The following GPR158 variants were observed in gnomAD, a reference collection of about 807,000 sequenced individuals.
GPR158 encodes the protein metabotropic glycine receptor.
GPR158 carries 30 observed loss-of-function variants against 78.2 expected under a neutral mutation model. The ratio of observed to expected loss-of-function variants is 0.38; its 90% CI spans 0.29 to 0.52. The LOEUF (loss-of-function observed/expected upper bound fraction) is 0.52, where lower values mean the gene tolerates loss of function less well. Among genes scored for constraint, GPR158 ranks in the 20% least tolerant of loss-of-function variants. The pLI is 0.83. For missense variants in GPR158, 1,463 were observed against 1,523.5 expected (o/e 0.96, Z 0.66); for synonymous variants, 581 against 591.1 (o/e 0.98, Z 0.25).
chr10:25,574,956 A>G (rs1400382025), intron 7 of GPR158, among the ~76,000 whole-genome samples: 1 of 151,598 alleles, frequency 6.6e-6, no homozygotes, highest in Non-Finnish European at 1.5e-5. Context: ...AATTCCAGCT[A>G]CTCTAGAGGC....
At chr10:25,237,965 G>A (rs184157978) in intron 2 of GPR158, among the ~76,000 whole-genome samples, 31 of 148,760 alleles carry the variant, frequency 2.1e-4, no homozygotes, top group African/African-American at 5.8e-4. Flanking sequence ...TTCTTTGCCC[G>A]TCCTTCACTT....
chr10:25,596,587 A>ACC, intron 9 of GPR158, 56 bp from the exon 10 acceptor site: 1 of 1,294,550 alleles, frequency 7.7e-7, no homozygotes, highest in Non-Finnish European at 1.1e-6. Context: ...AGATATAGAT[A>ACC]TATGCAATGC....
intron 6 of GPR158, among the ~76,000 whole-genome samples, chr10:25,565,910 G>T (rs1023447705): frequency 2.6e-5 from 4 of 152,090 alleles, no homozygotes; most frequent in Non-Finnish European, 5.9e-5. Flanking sequence ...GTCTCGAATG[G>T]GTAGCCAGAG....
intron 5 of GPR158, among the ~76,000 whole-genome samples, chr10:25,524,175 T>G (rs1836320517): frequency 1.3e-5 from 2 of 152,210 alleles, no homozygotes. Context: ...ACTACATAAA[T>G]GGAACTCATG....
At position 25,545,488 on chromosome 10, in the gene GPR158, G is replaced by A. The variant is rs768018395; in HGVS notation, c.1405-5488G>A. On this transcript the variant is annotated intron_variant, in intron 5 of 10. Transcript: ENST00000376351. Reference sequence around the variant, plus strand: ...ATGAGCGTTGTTTCATGTGTTTGTTGGCCACATAAATGTTTTCTTTGGAAA... The same window carrying A: ...ATGAGCGTTGTTTCATGTGTTTGTTAGCCACATAAATGTTTTCTTTGGAAA... Among the ~76,000 whole-genome samples, 36 of 152,070 alleles carry A rather than the reference G, an allele frequency of 2.4e-4. 1 individual carries two copies. The highest frequency in any genetic ancestry group is 4.7e-4 in the Non-Finnish European group (32 of 68,004).
At chr10:25,240,587 A>G (rs944413042) in intron 2 of GPR158, among the ~76,000 whole-genome samples, 1 of 152,176 alleles carries the variant, frequency 6.6e-6, no homozygotes, top group Non-Finnish European at 1.5e-5. Flanking sequence ...AATGATAAGG[A>G]AAGGTGAGCT....
intron 6 of GPR158, among the ~76,000 whole-genome samples, chr10:25,569,986 A>G (rs1415760113): frequency 2.0e-5 from 3 of 152,178 alleles, no homozygotes; most frequent in Non-Finnish European, 2.9e-5. Context: ...AGAATTTGGA[A>G]CCATTTTATG....
chr10:25,584,748 T>A (rs1837245278), intron 7 of GPR158, among the ~76,000 whole-genome samples: 1 of 152,240 alleles, frequency 6.6e-6, no homozygotes, highest in Non-Finnish European at 1.5e-5. Flanking sequence ...TTAACACAGT[T>A]AATGATGCCA....
At chr10:25,308,447 G>A (rs556022487) in intron 2 of GPR158, among the ~76,000 whole-genome samples, 5 of 152,122 alleles carry the variant, frequency 3.3e-5, no homozygotes, top group East Asian at 3.9e-4. Flanking sequence ...GTCTTTTTAT[G>A]TGGTTATGAG....
intron 2 of GPR158, among the ~76,000 whole-genome samples, chr10:25,392,931 A>AAC (rs1461848308): frequency 6.6e-6 from 1 of 152,226 alleles, no homozygotes; most frequent in Middle Eastern, 3.2e-3. Context: ...GAGTCAGTAC[A>AAC]GCAGGATGAT....
intron 2 of GPR158, among the ~76,000 whole-genome samples, chr10:25,281,935 A>G (rs1854280749): frequency 6.6e-6 from 1 of 152,220 alleles, no homozygotes. Flanking sequence ...CAATAGAAAG[A>G]ATGATTTGAA....
intron 2 of GPR158, among the ~76,000 whole-genome samples, chr10:25,296,111 C>G (rs894747254): frequency 2.6e-5 from 4 of 151,616 alleles, no homozygotes; most frequent in Non-Finnish European, 5.9e-5. Flanking sequence ...GTGCTTCAGC[C>G]TGGTTGCAGG....
At chr10:25,308,197 T>C (rs907231689) in intron 2 of GPR158, among the ~76,000 whole-genome samples, 3 of 152,210 alleles carry the variant, frequency 2.0e-5, no homozygotes, top group Non-Finnish European at 4.4e-5. Flanking sequence ...GTAGGTTTGT[T>C]ACATAGGTAA....
Position 25,470,501 on chromosome 10 carries a change from A to G in GPR158, c.1404+3782A>G, listed in dbSNP as rs147930304. Among the ~76,000 whole-genome samples, 848 of 152,260 alleles carry G rather than the reference A, an allele frequency of 5.6e-3. 9 individuals are homozygous for G. The highest frequency in any genetic ancestry group is 0.019 in the African/African-American group (809 of 41,550). On this transcript the variant is annotated intron_variant, in intron 5 of 10. Coordinates refer to ENST00000376351, the MANE Select transcript of GPR158 (RefSeq NM_020752.3). The stretch of plus-strand genomic sequence containing the variant: ...GAGAAATAAATTTGTATTCTTTGTA[A>G]ATTACCCAGTCTCAGGTATTTTGTT...
rs530286946 is a variant in GPR158, at chr10:25,432,904, T to G, written c.1335+20431T>G. The stretch of plus-strand genomic sequence containing the variant: ...AGGAGTTTCTGTTCCAGTGTGGGGT[T>G]GGTAGTGATAGATAATAAAGAAATA... On this transcript the variant is annotated intron_variant, in intron 4 of 10. Coordinates refer to ENST00000376351, the MANE Select transcript of GPR158 (RefSeq NM_020752.3). Among the ~76,000 whole-genome samples the G allele has an allele frequency of 5.3e-5, 8 of 152,282 alleles. No homozygotes were observed. The South Asian group carries it at 1.5e-3, about 28-fold the overall frequency.
At chr10:25,408,007 G>A (rs571212418) in intron 3 of GPR158, among the ~76,000 whole-genome samples, 13 of 152,284 alleles carry the variant, frequency 8.5e-5, no homozygotes, top group African/African-American at 3.1e-4. Flanking sequence ...TGAGTGATTC[G>A]AGGTGCTAAA....
At chr10:25,420,719 A>T (rs543517664) in intron 4 of GPR158, among the ~76,000 whole-genome samples, 160 of 152,324 alleles carry the variant, frequency 1.1e-3, no homozygotes, top group Non-Finnish European at 1.6e-3. Flanking sequence ...TGTTGAAGAC[A>T]TAGTCCTTTC....
intron 2 of GPR158, among the ~76,000 whole-genome samples, chr10:25,307,204 C>T (rs1854689596): frequency 6.6e-6 from 1 of 151,692 alleles, no homozygotes; most frequent in South Asian, 2.1e-4. Flanking sequence ...CCAATATAAG[C>T]ATAATTCTAT....
intron 2 of GPR158, among the ~76,000 whole-genome samples, chr10:25,313,345 A>G (rs573819881): frequency 5.9e-4 from 90 of 152,000 alleles, no homozygotes; most frequent in Middle Eastern, 6.8e-3. Context: ...ACATGTATAC[A>G]TATGTAACAA....
Sources: gnomAD v4.1 joint callset for allele counts (sites outside exome capture counted in the v4.1 genomes callset) on GRCh38, gnomAD v4.1.1 for gene constraint, MANE v1.5 for transcripts, NCBI Gene and HGNC (gene_info 2026-07-23, HGNC 2026-07-21) for gene names.